WWOX: variants seen among roughly 807,000 people sequenced by gnomAD.
WWOX encodes the protein WW domain containing oxidoreductase.
Under a neutral mutation model 46.2 loss-of-function variants are expected in WWOX, and 69 were observed. The observed-to-expected ratio is 1.49, with a 90% confidence interval of 1.23 to 1.82. The LOEUF is 1.82. Ranked by LOEUF, WWOX falls within the 40% of genes most tolerant of loss-of-function variation. The pLI is 0.00. For missense variants in WWOX, 919 were observed against 542.6 expected, an observed-to-expected ratio of 1.69 and a Z score of -6.89; for synonymous variants, 359 against 202.6, an observed-to-expected ratio of 1.77 and a Z score of -6.56.
chr16:78,633,383 A>G (rs910925771), intron 8 of WWOX, among the ~76,000 whole-genome samples: 4 of 152,042 alleles, frequency 2.6e-5, no homozygotes, highest in African/African-American at 7.2e-5. Flanking sequence ...TTGGATTGCA[A>G]TTTTTCATTC....
intron 8 of WWOX, among the ~76,000 whole-genome samples, chr16:78,547,868 A>T (rs1439410026): frequency 1.3e-5 from 2 of 151,992 alleles, no homozygotes; most frequent in Non-Finnish European, 2.9e-5. Flanking sequence ...ATTTCAACAT[A>T]TGGCTGGGCG....
intron 8 of WWOX, among the ~76,000 whole-genome samples, chr16:78,586,077 C>CCAGG (rs2151595273): frequency 6.6e-6 from 1 of 152,108 alleles, no homozygotes; most frequent in Admixed American, 6.6e-5. Context: ...CAAAATTAGG[C>CCAGG]CAGGTGTGAT....
intron 1 of WWOX, among the ~76,000 whole-genome samples, chr16:78,106,029 T>G (rs2032119493): frequency 6.6e-6 from 1 of 152,154 alleles, no homozygotes; most frequent in South Asian, 2.1e-4. Context: ...CTCGATCTCC[T>G]GGGCTCTAGC....
chr16:78,245,939 C>T (rs2037802221), intron 5 of WWOX, among the ~76,000 whole-genome samples: 1 of 152,220 alleles, frequency 6.6e-6, no homozygotes, highest in African/African-American at 2.4e-5. Context: ...CCTCTTGCCA[C>T]CTCTGTTCTC....
At chr16:78,626,837 T>G (rs371065484) in intron 8 of WWOX, among the ~76,000 whole-genome samples, 1 of 152,222 alleles carries the variant, frequency 6.6e-6, no homozygotes, top group East Asian at 1.9e-4. Flanking sequence ...CATGGACATT[T>G]ATTTTATGCT....
chr16:78,341,008 AACCC>A (rs2081002536), intron 5 of WWOX, among the ~76,000 whole-genome samples: 1 of 116,646 alleles, frequency 8.6e-6, no homozygotes, highest in Non-Finnish European at 2.0e-5. Context: ...GTTGTCTTTC[AACCC>A]CATTTTCAGA....
intron 5 of WWOX, among the ~76,000 whole-genome samples, chr16:78,219,702 C>G (rs758166272): frequency 1.6e-4 from 25 of 152,266 alleles, no homozygotes; most frequent in Non-Finnish European, 3.4e-4. Context: ...AGATAAAGCT[C>G]TGTTACCACG....
chr16:79,146,828 A>C (rs746660470), intron 8 of WWOX, among the ~76,000 whole-genome samples: 6 of 152,160 alleles, frequency 3.9e-5, no homozygotes, highest in Non-Finnish European at 7.3e-5. Flanking sequence ...CAGCAGAAGT[A>C]GCAAATACTG....
intron 5 of WWOX, chr16:78,280,877 G>A (rs967998628): frequency 6.5e-6 from 1 of 152,900 alleles, no homozygotes; most frequent in Non-Finnish European, 1.5e-5. Flanking sequence ...TCAGAATTGT[G>A]TATTTTGGAA....
At chr16:79,066,658 GCC>G (rs1030286574) in intron 8 of WWOX, among the ~76,000 whole-genome samples, 1 of 152,218 alleles carries the variant, frequency 6.6e-6, no homozygotes, top group Non-Finnish European at 1.5e-5. Context: ...GCATTCAGGT[GCC>G]CACTTAATTC....
intron 5 of WWOX, among the ~76,000 whole-genome samples, chr16:78,360,157 A>C (rs542147449): frequency 1.3e-5 from 2 of 152,330 alleles, no homozygotes; most frequent in South Asian, 2.1e-4. Context: ...CCCCATCAAC[A>C]ATCAATATTA....
intron 8 of WWOX, among the ~76,000 whole-genome samples, chr16:79,124,349 G>GAA (rs34806457): frequency 1.5e-4 from 23 of 150,828 alleles, no homozygotes; most frequent in Non-Finnish European, 2.1e-4. Flanking sequence ...TGGACTTTTT[G>GAA]AAAAAAAAAT....
chr16:78,432,365 C>A (rs113764353), intron 7 of WWOX, 123 bp from the exon 8 acceptor site: 2 of 1,355,592 alleles, frequency 1.5e-6, no homozygotes, highest in South Asian at 1.2e-5. Flanking sequence ...CTAAGACTCC[C>A]AAAGTGCTCG....
chr16:78,534,088 A>G (rs1426206605), intron 8 of WWOX, among the ~76,000 whole-genome samples: 2 of 152,208 alleles, frequency 1.3e-5, no homozygotes, highest in African/African-American at 4.8e-5. Flanking sequence ...TAAATATTAG[A>G]ATCATTGAAT....
intron 5 of WWOX, among the ~76,000 whole-genome samples, chr16:78,371,156 G>A (rs1489378770): frequency 1.3e-5 from 2 of 152,002 alleles, no homozygotes; most frequent in African/African-American, 4.8e-5. Context: ...GAGTTAAGTT[G>A]ATACGCACAG....
intron 8 of WWOX, among the ~76,000 whole-genome samples, chr16:78,545,891 C>T (rs1207762032): frequency 6.6e-6 from 1 of 152,110 alleles, no homozygotes; most frequent in African/African-American, 2.4e-5. Context: ...TATAAGGACA[C>T]CAGTCCTCTT....
At position 79,201,508 on chromosome 16, in the gene WWOX, C is replaced by T. The variant is rs1007680597; in HGVS notation, c.1057-10100C>T. Among the ~76,000 whole-genome samples the T allele has an allele frequency of 2.0e-5, 3 of 152,204 alleles. No individual in the cohort carries two copies. The South Asian group carries it at 6.2e-4, about 32-fold the overall frequency. On this transcript the variant is annotated intron_variant, in intron 8 of 8. Transcript: ENST00000566780. ...AAGGGCTCCAGAGAGTCCCTTGTGC[C>T]ATCAAATTAAGTTTGGAAACTTCAA...
intron 8 of WWOX, chr16:78,895,468 G>T (rs1395782909): frequency 2.6e-5 from 4 of 152,262 alleles, no homozygotes; most frequent in Admixed American, 6.5e-5. Flanking sequence ...CGATGGCCTA[G>T]CTTCCATCCC....
chr16:78,469,779 G>A (rs1281511337), intron 8 of WWOX, among the ~76,000 whole-genome samples: 1 of 152,110 alleles, frequency 6.6e-6, no homozygotes. Context: ...GTTTCCCTAA[G>A]AAGAGCTTCC....
Sources: gnomAD v4.1 joint callset for allele counts (sites outside exome capture counted in the v4.1 genomes callset) on GRCh38, gnomAD v4.1.1 for gene constraint, MANE v1.5 for transcripts, NCBI Gene and HGNC (gene_info 2026-07-23, HGNC 2026-07-21) for gene names.